The following SGCD variants were observed in gnomAD, a reference collection of about 807,000 sequenced individuals.
The protein encoded by SGCD is sarcoglycan delta.
In SGCD, 18 loss-of-function variants were observed where a neutral mutation model predicts 36.6. That is an observed-to-expected ratio of 0.49 (90% CI 0.34 to 0.73). The LOEUF is 0.73. Among genes scored for constraint, SGCD ranks in the 30% least tolerant of loss-of-function variants. The pLI, the probability that SGCD is intolerant of heterozygous loss-of-function variation, is 0.01. For synonymous variants in SGCD, 133 were observed against 130.6 expected, an observed-to-expected ratio of 1.02 and a Z score of -0.12; for missense variants, 387 against 346.7, an observed-to-expected ratio of 1.12 and a Z score of -0.92.
intron 1 of SGCD, among the ~76,000 whole-genome samples, chr5:155,873,438 C>T (rs1028043900): frequency 1.3e-5 from 2 of 152,136 alleles, no homozygotes; most frequent in African/African-American, 4.8e-5. Flanking sequence ...AGTCCAAATA[C>T]TGCATGTTCT....
chr5:156,221,400 C>T (rs2127645943), intron 3 of SGCD, among the ~76,000 whole-genome samples: 1 of 152,156 alleles, frequency 6.6e-6, no homozygotes, highest in South Asian at 2.1e-4. Context: ...TAGTTAACAA[C>T]ATGAACTTTA....
At chr5:156,502,463 T>C (rs1311817907) in intron 3 of SGCD, among the ~76,000 whole-genome samples, 1 of 152,164 alleles carries the variant, frequency 6.6e-6, no homozygotes, top group African/African-American at 2.4e-5. Context: ...GCCTCCTGAG[T>C]AGCTGGGACT....
chr5:156,486,044 C>T (rs578131055), intron 3 of SGCD, among the ~76,000 whole-genome samples: 1 of 152,144 alleles, frequency 6.6e-6, no homozygotes, highest in Non-Finnish European at 1.5e-5. Context: ...CACTAGGTCC[C>T]ACATCTCTCC....
At chr5:156,185,212 CTTTTTTTTTT>C (rs755578762) in intron 3 of SGCD, among the ~76,000 whole-genome samples, 18 of 113,226 alleles carry the variant, frequency 1.6e-4, no homozygotes, top group African/African-American at 5.9e-4. Context: ...CTTTAATTTT[CTTTTTTTTTT>C]TTTTTTTTTT....
At chr5:156,557,784 G>A (rs1325611928) in intron 4 of SGCD, among the ~76,000 whole-genome samples, 1 of 151,964 alleles carries the variant, frequency 6.6e-6, no homozygotes, top group African/African-American at 2.4e-5. Context: ...GCTGTACATA[G>A]TATTTTCCTG....
At chr5:156,253,770 G>C (rs1312282421) in intron 3 of SGCD, among the ~76,000 whole-genome samples, 2 of 152,050 alleles carry the variant, frequency 1.3e-5, no homozygotes, top group African/African-American at 4.8e-5. Flanking sequence ...CTGTCCTCTA[G>C]CTGAAAGTCC....
intron 3 of SGCD, among the ~76,000 whole-genome samples, chr5:156,487,132 A>G (rs938289206): frequency 1.1e-4 from 16 of 152,216 alleles, no homozygotes; most frequent in Admixed American, 9.2e-4. Context: ...CATGATTATA[A>G]GTGTTTGAAG....
the SGCD span, among the ~76,000 whole-genome samples, chr5:155,771,140 C>T: frequency 6.6e-6 from 1 of 152,152 alleles, no homozygotes; most frequent in East Asian, 1.9e-4. Flanking sequence ...CCCAGAGAGT[C>T]TAAGTCCCTT....
At chr5:156,364,432 G>T (rs762799139) in intron 3 of SGCD, among the ~76,000 whole-genome samples, 2 of 151,896 alleles carry the variant, frequency 1.3e-5, no homozygotes, top group African/African-American at 4.8e-5. Flanking sequence ...TGCAAATTTG[G>T]CTTTGGGGGC....
At chr5:156,358,421 T>C (rs934081202) in intron 3 of SGCD, among the ~76,000 whole-genome samples, 2 of 152,214 alleles carry the variant, frequency 1.3e-5, no homozygotes, top group African/African-American at 4.8e-5. Context: ...GTTAAGTGAA[T>C]GGTTTCTATT....
At chr5:156,462,012 T>C (rs150222659) in intron 3 of SGCD, among the ~76,000 whole-genome samples, 2 of 152,300 alleles carry the variant, frequency 1.3e-5, no homozygotes, top group African/African-American at 4.8e-5. Flanking sequence ...AAGAAATATG[T>C]GAAAAGCTGT....
the SGCD span, among the ~76,000 whole-genome samples, chr5:155,847,067 C>A: frequency 1.3e-5 from 2 of 152,170 alleles, no homozygotes; most frequent in African/African-American, 2.4e-5. Context: ...GTGAGAACTG[C>A]AGCTAATATT....
chr5:155,833,908 A>G, the SGCD span, among the ~76,000 whole-genome samples: 5 of 152,230 alleles, frequency 3.3e-5, no homozygotes, highest in East Asian at 9.6e-4. Context: ...ATTAACAGAT[A>G]CAGTGAAAGG....
Position 156,519,090 on chromosome 5 carries a change from T to C in SGCD, c.294+10388T>C, listed in dbSNP as rs187946320. Among the ~76,000 whole-genome samples, 464 of 150,956 alleles carry C rather than the reference T, an allele frequency of 3.1e-3. 4 individuals carry two copies. Among genetic ancestry groups the C allele is most frequent in the African/African-American group, 9.7e-3 (398 of 41,190 alleles). ...TTTTTTGAAAAAAAAATTAATAAAATAGCTTGCTAGACTAATAAGAGAAGA... is the reference window on the plus strand; with the variant it reads ...TTTTTTGAAAAAAAAATTAATAAAACAGCTTGCTAGACTAATAAGAGAAGA... On this transcript the variant is annotated intron_variant, in intron 4 of 8. Coordinates refer to ENST00000337851, the MANE Select transcript of SGCD (RefSeq NM_000337.6).
chr5:156,430,900 T>A (rs1422538711), intron 3 of SGCD, among the ~76,000 whole-genome samples: 1 of 152,204 alleles, frequency 6.6e-6, no homozygotes, highest in Non-Finnish European at 1.5e-5. Context: ...CATTCTCTCA[T>A]GGTATACACT....
intron 3 of SGCD, among the ~76,000 whole-genome samples, chr5:156,402,994 G>A (rs184257130): frequency 1.3e-5 from 2 of 152,236 alleles, no homozygotes; most frequent in African/African-American, 2.4e-5. Context: ...TGATAGCCGC[G>A]GTCTTTTGGC....
intron 1 of SGCD, among the ~76,000 whole-genome samples, chr5:155,944,279 T>TG (rs1241093355): frequency 6.6e-6 from 1 of 152,124 alleles, no homozygotes. Flanking sequence ...GGGTTTTGTA[T>TG]GGGGGGATAA....
chr5:155,753,160 A>T, the SGCD span, among the ~76,000 whole-genome samples: 3 of 151,122 alleles, frequency 2.0e-5, no homozygotes, highest in African/African-American at 7.3e-5. Flanking sequence ...ACATGATGAA[A>T]CCCTGTCTCT....
chr5:155,995,782 A>T (rs866971140), intron 1 of SGCD, among the ~76,000 whole-genome samples: 1 of 152,116 alleles, frequency 6.6e-6, no homozygotes, highest in Non-Finnish European at 1.5e-5. Flanking sequence ...GATTTCAGGC[A>T]TAGTGAACCA....
Sources: gnomAD v4.1 joint callset for allele counts (sites outside exome capture counted in the v4.1 genomes callset) on GRCh38, gnomAD v4.1.1 for gene constraint, MANE v1.5 for transcripts, NCBI Gene and HGNC (gene_info 2026-07-23, HGNC 2026-07-21) for gene names.